The following HMGA2 variants were observed in gnomAD, a reference collection of about 807,000 sequenced individuals.
The protein encoded by HMGA2 is high mobility group protein HMGI-C.
A neutral mutation model predicts 19.1 loss-of-function variants in HMGA2; 8 were observed. The ratio of observed to expected loss-of-function variants is 0.42; its 90% CI spans 0.25 to 0.76. HMGA2 has a LOEUF of 0.76. Among genes scored for constraint, HMGA2 ranks in the 30% least tolerant of loss-of-function variants. HMGA2 has a pLI of 0.28. For missense variants in HMGA2, 109 were observed against 136.3 expected, an observed-to-expected ratio of 0.80 and a Z score of 1.00; for synonymous variants, 60 against 48.8, an observed-to-expected ratio of 1.23 and a Z score of -0.96.
intron 3 of HMGA2, among the ~76,000 whole-genome samples, chr12:65,906,605 G>T (rs1234466807): frequency 6.6e-6 from 1 of 152,070 alleles, no homozygotes; most frequent in Non-Finnish European, 1.5e-5. Context: ...TAGAATCCGG[G>T]TGGTGAGTTA....
intron 3 of HMGA2, among the ~76,000 whole-genome samples, chr12:65,943,747 G>A (rs1351096176): frequency 6.6e-6 from 1 of 152,130 alleles, no homozygotes; most frequent in African/African-American, 2.4e-5. Context: ...TGCACCATAA[G>A]GGCCAGATGT....
rs150395435 is a variant in HMGA2 at position 65,832,660 on chromosome 12, T to C, written c.198+4573T>C. On this transcript the variant is annotated intron_variant, in intron 2 of 4. Transcript: ENST00000403681. ...TCACTGATTCTGAAGGTTTTAGTTA[T>C]GAATCTTTGTTCTGCCAACCAAGAG... 2.1e-3 allele frequency among the ~76,000 whole-genome samples: 324 copies of C among 152,190 alleles called. 1 individual carries two copies. The highest frequency in any genetic ancestry group is 6.9e-3 in the African/African-American group (286 of 41,574).
rs377439189 is a variant in HMGA2 at position 65,963,308 on chromosome 12, G to A, written c.*16G>A. On this transcript the variant is annotated 3_prime_UTR_variant, in exon 5 of 5. Transcript: ENST00000403681. ...AGAGGACTAGGGGGCGCCAACGTTC[G>A]ATTTCTACCTCAGCAGCAGTTGGAT... 2.6e-5 allele frequency: 42 copies of A among 1,611,982 alleles called. No individual in the cohort carries two copies. The highest frequency in any genetic ancestry group is 3.3e-5 in the Non-Finnish European group (39 of 1,178,844).
At chr12:65,847,361 C>G (rs929697127) in intron 3 of HMGA2, among the ~76,000 whole-genome samples, 1 of 152,072 alleles carries the variant, frequency 6.6e-6, no homozygotes, top group Non-Finnish European at 1.5e-5. Context: ...CATATGGTGA[C>G]CTTATTTTTC....
intron 3 of HMGA2, chr12:65,851,306 G>A (rs1871451890): frequency 6.2e-6 from 1 of 160,446 alleles, no homozygotes; most frequent in Non-Finnish European, 1.4e-5. Context: ...TTGAGGTCAG[G>A]AGTTCGAGAC....
chr12:65,873,590 A>T (rs1872816613), intron 3 of HMGA2, among the ~76,000 whole-genome samples: 1 of 152,176 alleles, frequency 6.6e-6, no homozygotes, highest in South Asian at 2.1e-4. Flanking sequence ...ATATGAAAAG[A>T]GCTTGGTAGA....
chr12:65,844,725 G>A (rs1042237736), intron 3 of HMGA2, among the ~76,000 whole-genome samples: 3 of 152,204 alleles, frequency 2.0e-5, no homozygotes, highest in Non-Finnish European at 4.4e-5. Flanking sequence ...ACCTCTACCA[G>A]ACCCTAACCA....
At chr12:65,860,259 C>T (rs1313443092) in intron 3 of HMGA2, among the ~76,000 whole-genome samples, 1 of 152,214 alleles carries the variant, frequency 6.6e-6, no homozygotes, top group African/African-American at 2.4e-5. Flanking sequence ...CATTGGCCTA[C>T]AGTCATCTTA....
chr12:65,836,502 A>G (rs1347393027), intron 2 of HMGA2, among the ~76,000 whole-genome samples: 2 of 152,198 alleles, frequency 1.3e-5, no homozygotes, highest in Admixed American at 6.5e-5. Flanking sequence ...AGTCATCTCC[A>G]TTGCACGGAT....
rs1342447415 is a variant in HMGA2 at position 65,951,378 on chromosome 12, C to T, written c.250-5C>T. 27 of 1,515,798 alleles carry T rather than the reference C, an allele frequency of 1.8e-5. No homozygotes were observed. Among genetic ancestry groups the T allele is most frequent in the Non-Finnish European group, 2.4e-5 (27 of 1,123,226 alleles). The allele number at this position is 1,515,798 out of a possible 1,614,324, so 93.9% of individuals were successfully genotyped here. ...TAAAATATATCTTTTTCTTTTCCTC[C>T]TTAGCCACAACAAGTTGTTCAGAAG... On this transcript the variant is annotated splice_region_variant and splice_polypyrimidine_tract_variant and intron_variant, in intron 3 of 4. Coordinates refer to ENST00000403681, the MANE Select transcript of HMGA2 (RefSeq NM_003483.6).
At chr12:65,951,316 T>G in intron 3 of HMGA2, 67 bp from the exon 4 acceptor site, 2 of 969,992 alleles carry the variant, frequency 2.1e-6, no homozygotes, top group Admixed American at 4.8e-5. Context: ...ATTTAAAATA[T>G]GTACACCTAA....
chr12:65,933,501 A>G (rs1293015372), intron 3 of HMGA2, among the ~76,000 whole-genome samples: 1 of 152,230 alleles, frequency 6.6e-6, no homozygotes, highest in South Asian at 2.1e-4. Flanking sequence ...AATAGATTGC[A>G]TTTCTTATGA....
intron 3 of HMGA2, among the ~76,000 whole-genome samples, chr12:65,884,073 C>T (rs1390460343): frequency 6.6e-6 from 1 of 152,126 alleles, no homozygotes; most frequent in Non-Finnish European, 1.5e-5. Flanking sequence ...GCCATGTTGG[C>T]CAGGTTGGTC....
intron 3 of HMGA2, among the ~76,000 whole-genome samples, chr12:65,870,288 G>T (rs1419982309): frequency 6.6e-6 from 1 of 152,184 alleles, no homozygotes; most frequent in Non-Finnish European, 1.5e-5. Flanking sequence ...AGCCTTGTAA[G>T]GTAGTGGTTT....
At chr12:65,834,181 A>G (rs1870600509) in intron 2 of HMGA2, among the ~76,000 whole-genome samples, 1 of 152,178 alleles carries the variant, frequency 6.6e-6, no homozygotes, top group Non-Finnish European at 1.5e-5. Flanking sequence ...GTTCTGTAAA[A>G]TATTTGTTAC....
intron 3 of HMGA2, chr12:65,858,776 G>A (rs977453270): frequency 3.9e-5 from 6 of 152,072 alleles, no homozygotes; most frequent in African/African-American, 1.2e-4. Flanking sequence ...TCTAAATCTC[G>A]CTCACTGTGC....
chr12:65,915,365 G>C, intron 3 of HMGA2: 1 of 1,332,522 alleles, frequency 7.5e-7, no homozygotes, highest in Non-Finnish European at 9.7e-7. Flanking sequence ...TTTGAAAAAA[G>C]TACTCACTCT....
chr12:65,959,436 C>G lies in HMGA2; in HGVS notation c.283-3809C>G, dbSNP rs573572756. On this transcript the variant is annotated intron_variant, in intron 4 of 4. Coordinates refer to ENST00000403681, the MANE Select transcript of HMGA2 (RefSeq NM_003483.6). The stretch of plus-strand genomic sequence containing the variant: ...ATAATAAAAATATAGTTTTCCAACT[C>G]TGCCCACCCCTGTTCCCCACTCATC... Among the ~76,000 whole-genome samples, 4 of 152,278 alleles carry G rather than the reference C, an allele frequency of 2.6e-5. No individual in the cohort carries two copies. The South Asian group carries it at 8.3e-4, about 32-fold the overall frequency.
In HMGA2 at chr12:65,963,878, T is replaced by A. The variant is rs1466791597; in HGVS notation, c.*586T>A. On this transcript the variant is annotated 3_prime_UTR_variant, in exon 5 of 5. Coordinates refer to ENST00000403681, the MANE Select transcript of HMGA2 (RefSeq NM_003483.6). ...CACTTACTTGATGATTTTTAACTTT[T>A]TATTTCTAAATGAGACGAAATGCTG... 1.2e-4 allele frequency: 25 copies of A among 214,668 alleles called. No homozygotes were observed. In the East Asian group the frequency reaches 1.8e-3, roughly 15 times the overall value. 13.3% of individuals were successfully genotyped at this position (214,668 alleles called of 1,614,324 possible).
Sources: gnomAD v4.1 joint callset for allele counts (sites outside exome capture counted in the v4.1 genomes callset) on GRCh38, gnomAD v4.1.1 for gene constraint, MANE v1.5 for transcripts, NCBI Gene and HGNC (gene_info 2026-07-23, HGNC 2026-07-21) for gene names.